The following PEBP4 variants were observed in gnomAD, a reference collection of about 807,000 sequenced individuals.
PEBP4 encodes the protein phosphatidylethanolamine-binding protein 4.
A neutral mutation model predicts 23.9 loss-of-function variants in PEBP4; 22 were observed. The observed-to-expected ratio is 0.92, with a 90% CI of 0.66 to 1.31. PEBP4 has a LOEUF of 1.31. PEBP4 is among the 40% of genes most tolerant of loss of function. The probability of loss-of-function intolerance (pLI) is 0.00; values close to 1 mark genes in which losing one functional copy is unlikely to be tolerated. For missense variants in PEBP4, 324 were observed against 281.7 expected (o/e 1.15, Z -1.07); for synonymous variants, 112 against 99.3 (o/e 1.13, Z -0.76).
chr8:22,870,095 C>A (rs1807979265), intron 3 of PEBP4, among the ~76,000 whole-genome samples: 1 of 152,196 alleles, frequency 6.6e-6, no homozygotes, highest in African/African-American at 2.4e-5. Context: ...TTTCAAGACA[C>A]AAAACCTGCA....
intron 3 of PEBP4, among the ~76,000 whole-genome samples, chr8:22,835,212 C>G (rs1056526130): frequency 6.6e-6 from 1 of 152,202 alleles, no homozygotes; most frequent in Non-Finnish European, 1.5e-5. Flanking sequence ...ATACCTGTCT[C>G]ACACAGCAGG....
At chr8:22,787,950 C>T (rs1585272513) in intron 4 of PEBP4, among the ~76,000 whole-genome samples, 1 of 152,046 alleles carries the variant, frequency 6.6e-6, no homozygotes, top group South Asian at 2.1e-4. Flanking sequence ...TCGTTGATAA[C>T]GCGTTGTGGA....
At chr8:22,858,287 T>C (rs969272351) in intron 3 of PEBP4, among the ~76,000 whole-genome samples, 1 of 152,228 alleles carries the variant, frequency 6.6e-6, no homozygotes, top group South Asian at 2.1e-4. Context: ...CTGAGGAGTG[T>C]AGCTGTTTTT....
intron 4 of PEBP4, among the ~76,000 whole-genome samples, chr8:22,732,553 G>A (rs769080347): frequency 3.3e-5 from 5 of 151,884 alleles, no homozygotes; most frequent in African/African-American, 9.7e-5. Flanking sequence ...CATGTACCCC[G>A]GAACTTAAAT....
chr8:22,713,258 T>C lies in PEBP4; in HGVS notation c.*112A>G, dbSNP rs1804342565. On this transcript the variant is annotated 3_prime_UTR_variant, in exon 7 of 7. Transcript: ENST00000256404. Reference sequence around the variant, plus strand: ...AGGATACAAAGCACCAAGCCCTGGATGATTTTTTTTTTATTTGGAAAAGAA... The same window carrying C: ...AGGATACAAAGCACCAAGCCCTGGACGATTTTTTTTTTATTTGGAAAAGAA... 4 of 1,414,400 alleles carry C rather than the reference T, an allele frequency of 2.8e-6. No individual in the cohort carries two copies. The highest frequency in any genetic ancestry group is 2.8e-6 in the Non-Finnish European group (3 of 1,084,210). The allele number at this position is 1,414,400 out of a possible 1,614,324, so 87.6% of individuals were successfully genotyped here. A position where few individuals can be genotyped will look rare whatever the true frequency, so the allele number is the denominator to read the frequency against.
intron 3 of PEBP4, among the ~76,000 whole-genome samples, chr8:22,896,640 G>T (rs1477949014): frequency 1.3e-5 from 2 of 152,120 alleles, no homozygotes; most frequent in African/African-American, 2.4e-5. Flanking sequence ...TTCAAGCTAA[G>T]GCTCAGCAGT....
At chr8:22,785,725 C>T (rs1295749552) in intron 4 of PEBP4, among the ~76,000 whole-genome samples, 1 of 152,196 alleles carries the variant, frequency 6.6e-6, no homozygotes, top group Non-Finnish European at 1.5e-5. Flanking sequence ...CAACAGCGAC[C>T]ACTCCAGGTC....
intron 3 of PEBP4, among the ~76,000 whole-genome samples, chr8:22,870,530 T>C (rs1807986946): frequency 6.6e-6 from 1 of 152,208 alleles, no homozygotes; most frequent in Admixed American, 6.5e-5. Flanking sequence ...TATACATTTA[T>C]CTAAACCTAT....
intron 3 of PEBP4, among the ~76,000 whole-genome samples, chr8:22,855,558 G>A (rs1807629076): frequency 6.6e-6 from 1 of 152,132 alleles, no homozygotes; most frequent in South Asian, 2.1e-4. Context: ...CTGAGGTTAA[G>A]TCTTCTGCAG....
Position 22,856,740 on chromosome 8 carries a change from T to A in PEBP4, c.259-39005A>T, listed in dbSNP as rs151299445. 1.3e-4 allele frequency among the ~76,000 whole-genome samples: 19 copies of A among 150,330 alleles called. 1 individual carries two copies. In the East Asian group the frequency reaches 1.5e-3, roughly 12 times the overall value. ...AAATAAATAAATAAATAAATAAATA[T>A]ATAGAAAAATAAAAAACCTTGAAAA... On this transcript the variant is annotated intron_variant, in intron 3 of 6. Coordinates refer to ENST00000256404, the MANE Select transcript of PEBP4 (RefSeq NM_144962.3).
At chr8:22,732,633 T>G (rs73212859) in intron 4 of PEBP4, among the ~76,000 whole-genome samples, 521 of 30,214 alleles carry the variant, frequency 0.017, 1 homozygote, top group Non-Finnish European at 0.067. Flanking sequence ...GCTGGCCCCA[T>G]TTGTGTGTGT....
At chr8:22,847,270 A>C (rs558785835) in intron 3 of PEBP4, among the ~76,000 whole-genome samples, 1 of 152,272 alleles carries the variant, frequency 6.6e-6, no homozygotes, top group African/African-American at 2.4e-5. Flanking sequence ...ATCCTCTCCC[A>C]TCCTACCCTG....
chr8:22,849,026 A>G (rs1807498110), intron 3 of PEBP4, among the ~76,000 whole-genome samples: 1 of 152,198 alleles, frequency 6.6e-6, no homozygotes, highest in Non-Finnish European at 1.5e-5. Flanking sequence ...ATGGAGCAAG[A>G]GGGCAACCCC....
intron 4 of PEBP4, among the ~76,000 whole-genome samples, chr8:22,735,735 T>G (rs1373201590): frequency 6.6e-6 from 1 of 152,208 alleles, no homozygotes. Flanking sequence ...GGGCCCCAGC[T>G]GGGGGACACT....
chr8:22,737,909 C>T (rs962700145), intron 4 of PEBP4, among the ~76,000 whole-genome samples: 7 of 152,012 alleles, frequency 4.6e-5, no homozygotes, highest in African/African-American at 1.5e-4. Flanking sequence ...GCTGAGCTCC[C>T]GGCGGGACCC....
At chr8:22,784,536 C>G (rs1439075865) in intron 4 of PEBP4, among the ~76,000 whole-genome samples, 1 of 152,254 alleles carries the variant, frequency 6.6e-6, no homozygotes, top group Non-Finnish European at 1.5e-5. Flanking sequence ...TAGCCAACCT[C>G]CCGACCTCCC....
chr8:22,940,139 G>A (rs1809590385), intron 1 of PEBP4, among the ~76,000 whole-genome samples: 1 of 152,170 alleles, frequency 6.6e-6, no homozygotes, highest in South Asian at 2.1e-4. Flanking sequence ...CCTCTTTGCA[G>A]GGACAGAGTC....
chr8:22,788,039 G>C (rs1439845289), intron 4 of PEBP4, among the ~76,000 whole-genome samples: 4 of 152,102 alleles, frequency 2.6e-5, no homozygotes, highest in African/African-American at 7.2e-5. Context: ...AGTGGGTGTG[G>C]CTGGAGGCTT....
intron 3 of PEBP4, among the ~76,000 whole-genome samples, chr8:22,908,337 G>C (rs1808858720): frequency 6.6e-6 from 1 of 151,868 alleles, no homozygotes; most frequent in South Asian, 2.1e-4. Context: ...AGTTAGTCCA[G>C]AGAGTGTGGG....
Sources: allele counts gnomAD v4.1 joint callset (sites outside exome capture counted in the v4.1 genomes callset), GRCh38; gene constraint gnomAD v4.1.1; transcripts MANE v1.5; gene names NCBI Gene and HGNC (gene_info 2026-07-23, HGNC 2026-07-21).